SH2D3C: variants seen among roughly 807,000 people sequenced by gnomAD.
SH2D3C encodes the protein SH2 domain-containing protein 3C.
Under a neutral mutation model 75.2 loss-of-function variants are expected in SH2D3C, and 25 were observed. That is an observed-to-expected ratio of 0.33 (90% CI 0.24 to 0.46). The LOEUF is 0.46. Among genes scored for constraint, SH2D3C ranks in the 20% least tolerant of loss-of-function variants. The probability of loss-of-function intolerance (pLI) is 1.00; values close to 1 mark genes in which losing one functional copy is unlikely to be tolerated. For synonymous variants in SH2D3C, 450 were observed against 473.7 expected (o/e 0.95, Z 0.65); for missense variants, 933 against 1,165.3 (o/e 0.80, Z 2.90).
chr9:127,777,103 T>G (rs1473087910), intron 1 of SH2D3C, among the ~76,000 whole-genome samples: 4 of 152,172 alleles, frequency 2.6e-5, no homozygotes, highest in African/African-American at 9.7e-5. Context: ...TCTCTGGGCC[T>G]CAGCGTTGCC....
Position 127,754,858 on chromosome 9 carries a change from TC to T in SH2D3C, c.556-3559del. On this transcript the variant is annotated intron_variant, in intron 3 of 11. Coordinates refer to ENST00000314830, the MANE Select transcript of SH2D3C (RefSeq NM_170600.3). The surrounding 1 kb of genome is among the most constrained non-coding windows in gnomAD (Gnocchi z 4.4). ...GACCGGCATCTACCGCAGCCCAGAG[TC>T]CCAGGAGTGGCCGCCGAACCCTCAC... The T allele has an allele frequency of 4.0e-6, 2 of 499,162 alleles. No homozygotes were observed. The highest frequency in any genetic ancestry group is 3.1e-5 in the South Asian group (2 of 64,662). 30.9% of individuals were successfully genotyped at this position (499,162 alleles called of 1,614,324 possible).
At position 127,745,033 on chromosome 9, in the gene SH2D3C, CGGGCGACAG is replaced by C; in HGVS notation, c.1322_1330del (p.Pro441_Ala443del). On this transcript the variant is annotated inframe_deletion, in exon 7 of 12. Coordinates refer to ENST00000314830, the MANE Select transcript of SH2D3C (RefSeq NM_170600.3). Reference sequence around the variant, plus strand: ...ACACAGCTGGGGCTCACTGGAACGGCGGGCGACAGGGGAGGCAGGCAATGCTGTGGCAGA... The same window carrying C: ...ACACAGCTGGGGCTCACTGGAACGGCGGGAGGCAGGCAATGCTGTGGCAGA... The C allele has an allele frequency of 6.6e-7, 1 of 1,509,710 alleles. No individual in the cohort carries two copies. Among genetic ancestry groups the C allele is most frequent in the Non-Finnish European group, 8.9e-7 (1 of 1,129,444 alleles). The allele number at this position is 1,509,710 out of a possible 1,614,324, so 93.5% of individuals were successfully genotyped here. A position where few individuals can be genotyped will look rare whatever the true frequency, so the allele number is the denominator to read the frequency against.
At chr9:127,742,723 T>A in intron 8 of SH2D3C, 126 bp downstream of exon 8, 1 of 631,606 alleles carries the variant, frequency 1.6e-6, no homozygotes, top group Non-Finnish European at 2.7e-6. Flanking sequence ...GTCAATGGGA[T>A]GGGAGGCGTG....
Position 127,774,332 on chromosome 9 carries a change from A to G in SH2D3C, c.173T>C (p.Val58Ala). 6.2e-7 allele frequency: 1 copy of G among 1,613,946 alleles called. No homozygotes were observed. Among genetic ancestry groups the G allele is most frequent in the Non-Finnish European group, 8.5e-7 (1 of 1,179,966 alleles). ...GGCTGGGGGACTCTTGGGCACCGTC[A>G]CCATGTCATCCTGCGTGGCTTCAAA... ...DTFEATQDDM[V>A]TVPKSPPAYA... is the part of the protein sequence containing the mutation. The change falls in exon 2 of 12, where the codon GTG becomes GCG. Residue 58 changes from valine to alanine, a missense_variant. Physicochemically the swap from Val to Ala is moderately conservative, Grantham distance 64. Coordinates refer to ENST00000314830, the MANE Select transcript of SH2D3C (RefSeq NM_170600.3). The surrounding 1 kb of genome is among the most constrained non-coding windows in gnomAD (Gnocchi z 4.3).
chr9:127,772,944 G>T (rs1210343923), intron 2 of SH2D3C, among the ~76,000 whole-genome samples: 1 of 151,030 alleles, frequency 6.6e-6, no homozygotes, highest in Non-Finnish European at 1.5e-5. Flanking sequence ...AGCAATTCTC[G>T]TGCCTCCACC....
At chr9:127,753,252 CAGA>C (rs1845252635) in intron 3 of SH2D3C, among the ~76,000 whole-genome samples, 1 of 151,612 alleles carries the variant, frequency 6.6e-6, no homozygotes, top group Admixed American at 6.6e-5. Context: ...AAGGCGTGGG[CAGA>C]AGGAGTGGGG....
At position 127,739,022 on chromosome 9, in the gene SH2D3C, GC is replaced by G; in HGVS notation, c.2408-102del. 9.3e-7 allele frequency: 1 copy of G among 1,076,572 alleles called. No individual in the cohort carries two copies. Among genetic ancestry groups the G allele is most frequent in the Non-Finnish European group, 1.3e-6 (1 of 789,392 alleles). 66.7% of individuals were successfully genotyped at this position (1,076,572 alleles called of 1,614,324 possible). A position where few individuals can be genotyped will look rare whatever the true frequency, so the allele number is the denominator to read the frequency against. On this transcript the variant is annotated intron_variant, in intron 11 of 11. Transcript: ENST00000314830. The surrounding 1 kb of genome is among the most constrained non-coding windows in gnomAD (Gnocchi z 4.3). Reference sequence around the variant, plus strand: ...CTGTTAGGGACCTCCCCTCAACTCCGCCAGGGATCCAACAAGGTTTGTGAAT... The same window carrying G: ...CTGTTAGGGACCTCCCCTCAACTCCGCAGGGATCCAACAAGGTTTGTGAAT...
chr9:127,774,591 C>A lies in SH2D3C; in HGVS notation c.38-124G>T. ...GAGGGCTGGCGGTTTCCCAGACACC[C>A]CTTCTAAAATTGTTAACACGCCCCT... On this transcript the variant is annotated intron_variant, in intron 1 of 11. Coordinates refer to ENST00000314830, the MANE Select transcript of SH2D3C (RefSeq NM_170600.3). The surrounding 1 kb of genome is among the most constrained non-coding windows in gnomAD (Gnocchi z 4.3). The A allele has an allele frequency of 1.6e-6, 1 of 627,454 alleles. No homozygotes were observed. Among genetic ancestry groups the A allele is most frequent in the Non-Finnish European group, 2.8e-6 (1 of 353,182 alleles). The allele number at this position is 627,454 out of a possible 1,614,324, so 38.9% of individuals were successfully genotyped here.
chr9:127,744,540 C>G, intron 7 of SH2D3C, 24 bp downstream of exon 7: 1 of 1,584,998 alleles, frequency 6.3e-7, no homozygotes, highest in East Asian at 2.2e-5. Flanking sequence ...GCTCCCTCCA[C>G]CCCAGTGCAC....
chr9:127,766,817 G>T, intron 2 of SH2D3C: 2 of 970,292 alleles, frequency 2.1e-6, no homozygotes, highest in Non-Finnish European at 3.0e-6. Flanking sequence ...TGATCCACCT[G>T]CCTTGGCCTC....
At chr9:127,750,726 GATCT>G (rs1845177586) in intron 4 of SH2D3C, among the ~76,000 whole-genome samples, 2 of 152,310 alleles carry the variant, frequency 1.3e-5, no homozygotes, top group South Asian at 4.1e-4. Flanking sequence ...AGGAACAAGT[GATCT>G]ATCAACTTAA....
At chr9:127,760,167 C>T (rs1231099798) in intron 3 of SH2D3C, among the ~76,000 whole-genome samples, 1 of 152,022 alleles carries the variant, frequency 6.6e-6, no homozygotes, top group Non-Finnish European at 1.5e-5. Flanking sequence ...AAAGTTGGAT[C>T]TGATGGATTG....
At chr9:127,762,511 T>C in intron 2 of SH2D3C, 1 of 460,044 alleles carries the variant, frequency 2.2e-6, no homozygotes, top group South Asian at 1.6e-5. Flanking sequence ...GTCAGTTTCC[T>C]CTTTCCTGCA....
At chr9:127,767,264 C>T (rs769320060) in intron 2 of SH2D3C, 80 of 1,455,652 alleles carry the variant, frequency 5.5e-5, no homozygotes, top group Non-Finnish European at 6.9e-5. Flanking sequence ...CCACCCAAGT[C>T]TCAAAACCTG....
chr9:127,757,607 ATGAT>A (rs1845418485), intron 3 of SH2D3C, among the ~76,000 whole-genome samples: 1 of 117,486 alleles, frequency 8.5e-6, no homozygotes, highest in East Asian at 2.2e-4. Context: ...TACCCAGATG[ATGAT>A]GATGATGATG....
intron 4 of SH2D3C, among the ~76,000 whole-genome samples, chr9:127,750,240 C>T (rs749133327): frequency 2.6e-5 from 4 of 151,974 alleles, no homozygotes; most frequent in Admixed American, 1.3e-4. Flanking sequence ...CTGCAACCTC[C>T]GCCTCCTTGG....
At chr9:127,756,274 C>T (rs1265129878) in intron 3 of SH2D3C, among the ~76,000 whole-genome samples, 1 of 152,146 alleles carries the variant, frequency 6.6e-6, no homozygotes, top group Non-Finnish European at 1.5e-5. Flanking sequence ...TGCACTCCAG[C>T]CCGGGTGATG....
At chr9:127,766,343 C>T (rs1170503701) in intron 2 of SH2D3C, among the ~76,000 whole-genome samples, 1 of 152,236 alleles carries the variant, frequency 6.6e-6, no homozygotes, top group Non-Finnish European at 1.5e-5. Flanking sequence ...TCCCTGGCTC[C>T]CTGCCTTCCC....
chr9:127,778,492 G>A (rs1829079417), intron 1 of SH2D3C, 99 bp downstream of exon 1: 2 of 992,336 alleles, frequency 2.0e-6, no homozygotes, highest in African/African-American at 1.6e-5. Flanking sequence ...GTGAGAGAGA[G>A]AAAAACAGAA....
Sources: allele counts gnomAD v4.1 joint callset (sites outside exome capture counted in the v4.1 genomes callset), GRCh38; gene constraint gnomAD v4.1.1; non-coding constraint Gnocchi (gnomAD v3.1); transcripts MANE v1.5; gene names NCBI Gene and HGNC (gene_info 2026-07-23, HGNC 2026-07-21).